The following SOX5 variants were observed in gnomAD, a reference collection of about 807,000 sequenced individuals.
The protein encoded by SOX5 is SRY-box transcription factor 5.
Under a neutral mutation model 92.0 loss-of-function variants are expected in SOX5, and 9 were observed. The observed-to-expected ratio is 0.10, with a 90% CI of 0.06 to 0.17. The LOEUF (loss-of-function observed/expected upper bound fraction) is 0.17, where lower values mean the gene tolerates loss of function less well. SOX5 is among the 10% of genes least tolerant of loss of function. SOX5 has a pLI of 1.00. For missense variants in SOX5, 642 were observed against 944.5 expected (o/e 0.68, Z 4.20); for synonymous variants, 344 against 336.3 (o/e 1.02, Z -0.25).
intron 1 of SOX5, among the ~76,000 whole-genome samples, chr12:24,458,066 T>C (rs1943210702): frequency 1.3e-5 from 2 of 152,138 alleles, no homozygotes; most frequent in African/African-American, 2.4e-5. Context: ...GTATGTCCCA[T>C]GCAATATTTG....
intron 4 of SOX5, among the ~76,000 whole-genome samples, chr12:24,195,174 T>C (rs902401160): frequency 3.3e-5 from 5 of 150,752 alleles, no homozygotes; most frequent in Middle Eastern, 3.4e-3. Flanking sequence ...ATTTCTAGGA[T>C]CAGATCATGA....
chr12:24,170,080 A>T (rs1953904615), intron 4 of SOX5, among the ~76,000 whole-genome samples: 1 of 152,110 alleles, frequency 6.6e-6, no homozygotes, highest in African/African-American at 2.4e-5. Flanking sequence ...ATAGCTTAAG[A>T]TTGTTTCCTG....
chr12:23,639,469 T>C (rs1451523539), intron 8 of SOX5, among the ~76,000 whole-genome samples: 1 of 152,218 alleles, frequency 6.6e-6, no homozygotes, highest in South Asian at 2.1e-4. Flanking sequence ...TTTAAATCTA[T>C]TGCTGGATAT....
At chr12:24,167,311 A>C (rs550507447) in intron 4 of SOX5, among the ~76,000 whole-genome samples, 1 of 152,334 alleles carries the variant, frequency 6.6e-6, no homozygotes, top group East Asian at 1.9e-4. Context: ...AAAAGCTCCA[A>C]GGATTGTTAT....
At chr12:23,820,501 G>A (rs527592254) in intron 3 of SOX5, among the ~76,000 whole-genome samples, 2 of 152,284 alleles carry the variant, frequency 1.3e-5, no homozygotes, top group African/African-American at 4.8e-5. Context: ...CTTTGCCCAT[G>A]CCTATGTCCT....
chr12:24,275,969 T>C (rs1944387151), intron 3 of SOX5, among the ~76,000 whole-genome samples: 1 of 152,164 alleles, frequency 6.6e-6, no homozygotes. Flanking sequence ...CCTTATTAAC[T>C]ACTTGTTCTT....
chr12:24,226,638 T>C (rs1962068105), intron 3 of SOX5, among the ~76,000 whole-genome samples: 1 of 151,986 alleles, frequency 6.6e-6, no homozygotes. Context: ...GCCCAGCTAA[T>C]TTTTGTATTT....
chr12:23,696,401 G>A (rs967642397), intron 6 of SOX5, among the ~76,000 whole-genome samples: 3 of 152,042 alleles, frequency 2.0e-5, no homozygotes, highest in Non-Finnish European at 2.9e-5. Context: ...CCAAATTTAT[G>A]GGTATAAAGT....
intron 1 of SOX5, among the ~76,000 whole-genome samples, chr12:24,439,276 T>C (rs188857474): frequency 6.6e-6 from 1 of 152,354 alleles, no homozygotes; most frequent in East Asian, 1.9e-4. Flanking sequence ...CAGTATAGCA[T>C]AAACAAAACA....
At chr12:23,659,588 A>C (rs2082752540) in intron 7 of SOX5, among the ~76,000 whole-genome samples, 2 of 152,226 alleles carry the variant, frequency 1.3e-5, no homozygotes, top group South Asian at 4.1e-4. Context: ...TTATACAGCC[A>C]AAACAGTGAC....
intron 4 of SOX5, among the ~76,000 whole-genome samples, chr12:24,068,623 A>T (rs1941182149): frequency 6.7e-6 from 1 of 149,398 alleles, no homozygotes; most frequent in Non-Finnish European, 1.5e-5. Flanking sequence ...TGATGTACTC[A>T]TCTCCTCAGC....
intron 3 of SOX5, among the ~76,000 whole-genome samples, chr12:24,218,537 A>C (rs1959606007): frequency 6.6e-6 from 1 of 152,156 alleles, no homozygotes; most frequent in South Asian, 2.1e-4. Flanking sequence ...TCAGATGGAA[A>C]TATTTTAAAA....
At chr12:23,676,358 G>A (rs1480973652) in intron 6 of SOX5, among the ~76,000 whole-genome samples, 1 of 152,016 alleles carries the variant, frequency 6.6e-6, no homozygotes, top group African/African-American at 2.4e-5. Context: ...ACAGGCAAAT[G>A]AATAACTGAA....
chr12:23,996,463 C>G (rs1209676882), intron 4 of SOX5, among the ~76,000 whole-genome samples: 1 of 152,118 alleles, frequency 6.6e-6, no homozygotes, highest in Non-Finnish European at 1.5e-5. Flanking sequence ...TAGAGTTACT[C>G]AGCAATCCTG....
At chr12:23,656,942 G>T (rs1305114485) in intron 7 of SOX5, among the ~76,000 whole-genome samples, 1 of 151,918 alleles carries the variant, frequency 6.6e-6, no homozygotes, top group Non-Finnish European at 1.5e-5. Flanking sequence ...GTTGCAGTCA[G>T]AAAGTGCCAC....
intron 3 of SOX5, among the ~76,000 whole-genome samples, chr12:23,778,374 T>C (rs1463048036): frequency 6.6e-6 from 1 of 152,192 alleles, no homozygotes; most frequent in African/African-American, 2.4e-5. Context: ...CCAAGTTTTA[T>C]AAGCTAAAAG....
intron 6 of SOX5, among the ~76,000 whole-genome samples, chr12:23,709,567 C>A (rs2091828250): frequency 6.6e-6 from 1 of 152,134 alleles, no homozygotes; most frequent in African/African-American, 2.4e-5. Flanking sequence ...CCTACGAGAG[C>A]CGCTTTAATT....
At chr12:23,607,260 C>T (rs2137607887) in intron 8 of SOX5, among the ~76,000 whole-genome samples, 1 of 152,114 alleles carries the variant, frequency 6.6e-6, no homozygotes, top group East Asian at 1.9e-4. Flanking sequence ...ATATGTTTTC[C>T]TAAAAGTTAT....
At chr12:23,638,517 T>C (rs993349303) in intron 8 of SOX5, 2 of 152,202 alleles carry the variant, frequency 1.3e-5, no homozygotes, top group Non-Finnish European at 2.9e-5. Context: ...TCCACTGAGA[T>C]GAAACATCTC....
Sources: gnomAD v4.1 joint callset for allele counts (sites outside exome capture counted in the v4.1 genomes callset) on GRCh38, gnomAD v4.1.1 for gene constraint, MANE v1.5 for transcripts, NCBI Gene and HGNC (gene_info 2026-07-23, HGNC 2026-07-21) for gene names.